Variants in SPAG17 observed in about 807,000 individuals in gnomAD.
SPAG17 encodes sperm-associated antigen 17.
Under a neutral mutation model 273.6 loss-of-function variants are expected in SPAG17, and 169 were observed. The observed-to-expected ratio is 0.62, with a 90% CI of 0.55 to 0.70. The LOEUF (loss-of-function observed/expected upper bound fraction) is 0.70, where lower values mean the gene tolerates loss of function less well. Ranked by LOEUF, SPAG17 falls within the 30% of genes least tolerant of loss-of-function variation. SPAG17 has a pLI of 0.00. For missense variants in SPAG17, 2,557 were observed against 2,627.8 expected (o/e 0.97, Z 0.59); for synonymous variants, 825 against 873.2 (o/e 0.94, Z 0.97).
chr1:118,148,896 G>A (rs1171171224), intron 3 of SPAG17, among the ~76,000 whole-genome samples: 1 of 152,174 alleles, frequency 6.6e-6, no homozygotes, highest in Non-Finnish European at 1.5e-5. Flanking sequence ...TGCTTGAGCA[G>A]GTCCTAAATG....
chr1:118,173,795 G>C (rs2102398609), intron 1 of SPAG17, among the ~76,000 whole-genome samples: 1 of 151,608 alleles, frequency 6.6e-6, no homozygotes, highest in East Asian at 1.9e-4. Context: ...GGGAGGTCAA[G>C]GCTGCAGTGA....
At chr1:118,051,237 G>A (rs1650969327) in intron 20 of SPAG17, among the ~76,000 whole-genome samples, 1 of 152,108 alleles carries the variant, frequency 6.6e-6, no homozygotes, top group East Asian at 1.9e-4. Flanking sequence ...AAAAAGACAA[G>A]ATAATAAATG....
intron 18 of SPAG17, among the ~76,000 whole-genome samples, chr1:118,061,329 T>C (rs1652269672): frequency 1.3e-5 from 2 of 152,200 alleles, no homozygotes; most frequent in South Asian, 4.1e-4. Context: ...ATTTTAAATA[T>C]GTGGTATATA....
chr1:118,174,109 T>C (rs1161155768), intron 1 of SPAG17, among the ~76,000 whole-genome samples: 1 of 151,600 alleles, frequency 6.6e-6, no homozygotes, highest in Admixed American at 6.6e-5. Context: ...ACAAAATAAA[T>C]CTTCAGAAAC....
At chr1:118,171,228 C>T (rs1660402581) in intron 1 of SPAG17, among the ~76,000 whole-genome samples, 2 of 152,018 alleles carry the variant, frequency 1.3e-5, no homozygotes. Context: ...TTGCAAGGTC[C>T]ATGTAAAATG....
In SPAG17 at chr1:118,129,753, T is replaced by C. The variant is rs531178312; in HGVS notation, c.316-14312A>G. Among the ~76,000 whole-genome samples, 8 of 152,036 alleles carry C rather than the reference T, an allele frequency of 5.3e-5. No homozygotes were observed. In the East Asian group the frequency reaches 1.5e-3, roughly 29 times the overall value. On this transcript the variant is annotated intron_variant, in intron 3 of 48. Transcript: ENST00000336338. ...TTCTTTTCTTTCCTTCTTTGTTTTTTTCTTTTTCTTTCTTTCCTTCTTCTT... is the reference window on the plus strand; with the variant it reads ...TTCTTTTCTTTCCTTCTTTGTTTTTCTCTTTTTCTTTCTTTCCTTCTTCTT...
chr1:118,082,400 A>G (rs1316627936), intron 13 of SPAG17, among the ~76,000 whole-genome samples: 1 of 152,210 alleles, frequency 6.6e-6, no homozygotes, highest in Non-Finnish European at 1.5e-5. Context: ...ATTCAGAAGT[A>G]ACCTCCATTT....
intron 13 of SPAG17, among the ~76,000 whole-genome samples, chr1:118,082,616 C>T (rs1272451154): frequency 6.6e-6 from 1 of 152,136 alleles, no homozygotes; most frequent in Non-Finnish European, 1.5e-5. Flanking sequence ...ATAGTGAGCT[C>T]CCTGCTCTCA....
intron 18 of SPAG17, among the ~76,000 whole-genome samples, chr1:118,056,678 GA>G (rs1390807922): frequency 6.6e-6 from 1 of 152,096 alleles, no homozygotes; most frequent in Non-Finnish European, 1.5e-5. Context: ...TTAAGGTTTT[GA>G]AAAAATAAAG....
chr1:117,954,461 T>C (rs186457338), intron 48 of SPAG17: 1 of 966,014 alleles, frequency 1.0e-6, no homozygotes, highest in Non-Finnish European at 1.5e-6. Flanking sequence ...CTCTGTCAGT[T>C]TTTTAGGGTC....
chr1:118,031,177 CTTTTT>C (rs1015324627), intron 25 of SPAG17, among the ~76,000 whole-genome samples: 1 of 54,918 alleles, frequency 1.8e-5, no homozygotes, highest in African/African-American at 8.0e-5. Flanking sequence ...GAGGACTACT[CTTTTT>C]TTTTTTTTTT....
chr1:118,101,463 G>A (rs1656058987), intron 5 of SPAG17, among the ~76,000 whole-genome samples: 1 of 152,124 alleles, frequency 6.6e-6, no homozygotes, highest in South Asian at 2.1e-4. Context: ...GCAAATAGAA[G>A]TCTTTTTCTC....
intron 30 of SPAG17, among the ~76,000 whole-genome samples, chr1:118,010,538 C>A (rs1473596193): frequency 6.6e-6 from 1 of 152,138 alleles, no homozygotes; most frequent in Non-Finnish European, 1.5e-5. Flanking sequence ...TGCACCCCTT[C>A]CTTACACCAT....
intron 15 of SPAG17, among the ~76,000 whole-genome samples, chr1:118,078,829 T>A (rs183298182): frequency 7.9e-4 from 120 of 152,202 alleles, no homozygotes; most frequent in Non-Finnish European, 1.0e-3. Context: ...TGAGATTATA[T>A]GACTTTTCTC....
intron 15 of SPAG17, 131 bp from the exon 16 acceptor site, chr1:118,074,731 T>G: frequency 1.3e-6 from 1 of 768,600 alleles, no homozygotes; most frequent in Non-Finnish European, 2.2e-6. Context: ...GAAAGGCATG[T>G]TTTGTGCCTC....
chr1:117,991,577 A>C, intron 36 of SPAG17, 49 bp from the exon 37 acceptor site: 1 of 1,168,888 alleles, frequency 8.6e-7, no homozygotes, highest in South Asian at 1.4e-5. Flanking sequence ...AATTAGGAAG[A>C]GAGAGATACA....
At chr1:117,967,510 G>A (rs539932167) in intron 46 of SPAG17, among the ~76,000 whole-genome samples, 110 of 152,268 alleles carry the variant, frequency 7.2e-4, no homozygotes, top group Non-Finnish European at 1.2e-3. Flanking sequence ...CATGTTTTAA[G>A]AAAGTTTAGG....
At chr1:117,959,434 T>G (rs1322518828) in intron 48 of SPAG17, 1 of 1,609,898 alleles carries the variant, frequency 6.2e-7, no homozygotes, top group African/African-American at 1.3e-5. Flanking sequence ...AAGTTGATTC[T>G]AACGTTGACT....
At chr1:118,151,632 T>G (rs2102351033) in intron 1 of SPAG17, among the ~76,000 whole-genome samples, 1 of 152,348 alleles carries the variant, frequency 6.6e-6, no homozygotes, top group African/African-American at 2.4e-5. Context: ...AAAACGACAC[T>G]TTCACTAGAA....
Sources: gnomAD v4.1 joint callset for allele counts (sites outside exome capture counted in the v4.1 genomes callset) on GRCh38, gnomAD v4.1.1 for gene constraint, MANE v1.5 for transcripts, NCBI Gene and HGNC (gene_info 2026-07-23, HGNC 2026-07-21) for gene names.